CADPS: variants seen among roughly 807,000 people sequenced by gnomAD.
The protein encoded by CADPS is calcium-dependent secretion activator 1.
A neutral mutation model predicts 167.3 loss-of-function variants in CADPS; 57 were observed. That is an observed-to-expected ratio of 0.34 (90% confidence interval 0.28 to 0.42). The LOEUF (loss-of-function observed/expected upper bound fraction) is 0.42, where lower values mean the gene tolerates loss of function less well. Ranked by LOEUF, CADPS falls within the 20% of genes least tolerant of loss-of-function variation. CADPS has a pLI of 1.00. For synonymous variants in CADPS, 676 were observed against 635.3 expected, an observed-to-expected ratio of 1.06 and a Z score of -0.96; for missense variants, 1,414 against 1,738.1, an observed-to-expected ratio of 0.81 and a Z score of 3.32.
intron 3 of CADPS, among the ~76,000 whole-genome samples, chr3:62,676,185 T>G (rs983853737): frequency 1.3e-5 from 2 of 152,180 alleles, no homozygotes; most frequent in African/African-American, 4.8e-5. Context: ...TTCAACAAGA[T>G]GCTTGTTGTA....
intron 17 of CADPS, among the ~76,000 whole-genome samples, chr3:62,512,095 A>T (rs934488382): frequency 6.6e-6 from 1 of 152,084 alleles, no homozygotes; most frequent in African/African-American, 2.4e-5. Context: ...ATTTTTGACA[A>T]CCCTTTAGAC....
chr3:62,713,067 C>A (rs2083721279), intron 3 of CADPS, among the ~76,000 whole-genome samples: 1 of 152,176 alleles, frequency 6.6e-6, no homozygotes, highest in African/African-American at 2.4e-5. Flanking sequence ...TGCTCATTTT[C>A]TCTTTTATAC....
chr3:62,623,841 A>G (rs1210432111), intron 6 of CADPS, among the ~76,000 whole-genome samples: 1 of 152,162 alleles, frequency 6.6e-6, no homozygotes, highest in Non-Finnish European at 1.5e-5. Flanking sequence ...CTTTGATATC[A>G]TAAATAAAAA....
intron 1 of CADPS, among the ~76,000 whole-genome samples, chr3:62,836,275 T>A (rs2075876055): frequency 6.6e-6 from 1 of 152,102 alleles, no homozygotes; most frequent in Non-Finnish European, 1.5e-5. Flanking sequence ...CAGACCCAAA[T>A]AAACAAAAAC....
intron 8 of CADPS, among the ~76,000 whole-genome samples, chr3:62,577,178 C>A (rs185789871): frequency 1.3e-5 from 2 of 152,134 alleles, no homozygotes; most frequent in Admixed American, 1.3e-4. Context: ...AGGGTAGCAC[C>A]CATGGCAATG....
chr3:62,724,063 GCACTTAAC>G (rs1201380197), intron 3 of CADPS, among the ~76,000 whole-genome samples: 1 of 152,208 alleles, frequency 6.6e-6, no homozygotes, highest in Admixed American at 6.5e-5. Context: ...TTCCCTGCAA[GCACTTAAC>G]CTTGATGTAT....
At chr3:62,656,189 C>A (rs1486310903) in intron 4 of CADPS, among the ~76,000 whole-genome samples, 1 of 152,130 alleles carries the variant, frequency 6.6e-6, no homozygotes, top group Non-Finnish European at 1.5e-5. Context: ...CACACATACA[C>A]CCCTTGCAAG....
At chr3:62,846,684 T>C (rs1050478280) in intron 1 of CADPS, among the ~76,000 whole-genome samples, 1 of 152,220 alleles carries the variant, frequency 6.6e-6, no homozygotes. Flanking sequence ...TTTTTGTTTT[T>C]TGAGACGGAG....
chr3:62,486,296 T>C (rs894306714), intron 21 of CADPS, among the ~76,000 whole-genome samples: 1 of 151,704 alleles, frequency 6.6e-6, no homozygotes, highest in African/African-American at 2.4e-5. Flanking sequence ...ACACAAAAAA[T>C]TAGCTGGGCG....
intron 28 of CADPS, among the ~76,000 whole-genome samples, chr3:62,422,774 T>C (rs2051728917): frequency 6.6e-6 from 1 of 152,212 alleles, no homozygotes; most frequent in Non-Finnish European, 1.5e-5. Flanking sequence ...GTATTGCTAA[T>C]CTGTGAAACC....
rs892565520 is a variant in CADPS at position 62,590,511 on chromosome 3, G to A, written c.1437+2126C>T. On this transcript the variant is annotated intron_variant, in intron 7 of 29. Transcript: ENST00000383710. ...CCCTTTCCTCCCACTTTTCTGGGTAGGGACACTGTTTTTTTGTTTTTGCTG... is the reference window on the plus strand; with the variant it reads ...CCCTTTCCTCCCACTTTTCTGGGTAAGGACACTGTTTTTTTGTTTTTGCTG... Among the ~76,000 whole-genome samples, 7 of 152,128 alleles carry A rather than the reference G, an allele frequency of 4.6e-5. No individual in the cohort carries two copies. The East Asian group carries it at 9.6e-4, about 21-fold the overall frequency.
At chr3:62,661,760 G>A (rs1344647612) in intron 4 of CADPS, among the ~76,000 whole-genome samples, 2 of 152,098 alleles carry the variant, frequency 1.3e-5, no homozygotes, top group Non-Finnish European at 2.9e-5. Flanking sequence ...CTGAAGATGA[G>A]GGCCTGGATC....
At chr3:62,413,889 TA>T (rs367569332) in intron 28 of CADPS, among the ~76,000 whole-genome samples, 1,503 of 74,034 alleles carry the variant, frequency 0.02, 16 homozygotes, top group African/African-American at 0.034. Context: ...AAACATACTT[TA>T]AAAAAAAAAA....
At chr3:62,467,552 G>T (rs2060085185) in intron 24 of CADPS, among the ~76,000 whole-genome samples, 2 of 152,124 alleles carry the variant, frequency 1.3e-5, no homozygotes, top group African/African-American at 2.4e-5. Flanking sequence ...GGCGAGGTTT[G>T]TTTGTAATTG....
At chr3:62,532,752 C>T (rs1428132408) in intron 13 of CADPS, 119 bp downstream of exon 13, 14 of 647,690 alleles carry the variant, frequency 2.2e-5, no homozygotes, top group East Asian at 3.1e-5. Flanking sequence ...TGTGTGTGTA[C>T]GTGTGCACAT....
chr3:62,779,133 C>A (rs1449656600), intron 1 of CADPS: 1 of 177,966 alleles, frequency 5.6e-6, no homozygotes, highest in Non-Finnish European at 1.3e-5. Context: ...GGTGATCCGC[C>A]TACCTCGGCC....
chr3:62,738,389 T>G (rs553189092), intron 3 of CADPS, among the ~76,000 whole-genome samples: 15 of 152,004 alleles, frequency 9.9e-5, no homozygotes, highest in African/African-American at 3.6e-4. Context: ...TGTTTCTACT[T>G]TTGCTAACAA....
chr3:62,832,655 C>T (rs766773288), intron 1 of CADPS, among the ~76,000 whole-genome samples: 2 of 152,206 alleles, frequency 1.3e-5, no homozygotes, highest in Non-Finnish European at 1.5e-5. Context: ...ATCTATTTAA[C>T]GCTGCCTCTC....
intron 6 of CADPS, among the ~76,000 whole-genome samples, chr3:62,640,169 C>T (rs915474660): frequency 5.3e-5 from 8 of 152,236 alleles, no homozygotes; most frequent in East Asian, 3.9e-4. Context: ...TTCATATCAT[C>T]GTATCACATT....
Sources: gnomAD v4.1 joint callset for allele counts (sites outside exome capture counted in the v4.1 genomes callset) on GRCh38, gnomAD v4.1.1 for gene constraint, MANE v1.5 for transcripts, NCBI Gene and HGNC (gene_info 2026-07-23, HGNC 2026-07-21) for gene names.